PTPRK: variants seen among roughly 807,000 people sequenced by gnomAD.
PTPRK encodes protein tyrosine phosphatase receptor type K.
Under a neutral mutation model 178.0 loss-of-function variants are expected in PTPRK, and 75 were observed. The observed-to-expected ratio is 0.42, with a 90% CI of 0.35 to 0.51. The LOEUF is 0.51. PTPRK is among the 20% of genes least tolerant of loss of function. The pLI is 0.02. For synonymous variants in PTPRK, 637 were observed against 620.6 expected (o/e 1.03, Z -0.39); for missense variants, 1,441 against 1,797.8 (o/e 0.80, Z 3.59).
chr6:128,062,423 T>C (rs78642349), intron 13 of PTPRK: 3 of 156,868 alleles, frequency 1.9e-5, no homozygotes, highest in African/African-American at 7.9e-5. Flanking sequence ...TGTGGAAAAA[T>C]GCTAAAGGTT....
chr6:128,379,406 T>C (rs968064644), intron 2 of PTPRK, among the ~76,000 whole-genome samples: 16 of 152,184 alleles, frequency 1.1e-4, no homozygotes, highest in Non-Finnish European at 1.8e-4. Context: ...AATACACTTG[T>C]TACTTCGTGA....
rs1341532052 is a variant in PTPRK, at chr6:127,991,399, G to T, written c.2882-8C>A. On this transcript the variant is annotated splice_polypyrimidine_tract_variant and splice_region_variant and intron_variant, in intron 19 of 29. Transcript: ENST00000368226. ...CTGTTTCATGAACGGGACCTACAAA[G>T]AAATTAATTTGAATATTATGTTATC... 5 of 1,551,906 alleles carry T rather than the reference G, an allele frequency of 3.2e-6. No individual in the cohort carries two copies. Among genetic ancestry groups the T allele is most frequent in the Admixed American group, 3.8e-5 (2 of 52,556 alleles).
At chr6:128,373,719 G>A (rs1478830976) in intron 2 of PTPRK, among the ~76,000 whole-genome samples, 1 of 152,040 alleles carries the variant, frequency 6.6e-6, no homozygotes, top group African/African-American at 2.4e-5. Flanking sequence ...TATGCACAGT[G>A]GTCTAGAATG....
At chr6:128,153,728 C>T (rs888673258) in intron 7 of PTPRK, among the ~76,000 whole-genome samples, 2 of 151,852 alleles carry the variant, frequency 1.3e-5, no homozygotes, top group African/African-American at 2.4e-5. Context: ...ACAATGACAA[C>T]GTTTTAGATA....
chr6:128,129,853 G>C (rs1793944430), intron 7 of PTPRK, among the ~76,000 whole-genome samples: 1 of 152,112 alleles, frequency 6.6e-6, no homozygotes, highest in South Asian at 2.1e-4. Flanking sequence ...GTGTCATCAT[G>C]TCAGTTGAGA....
chr6:128,359,758 T>TAA (rs899562314), intron 2 of PTPRK, among the ~76,000 whole-genome samples: 4 of 145,492 alleles, frequency 2.7e-5, no homozygotes, highest in African/African-American at 1.0e-4. Context: ...GTCTCAAAAA[T>TAA]AAAAAAAAAA....
chr6:128,397,359 CT>C (rs923801561), intron 2 of PTPRK, among the ~76,000 whole-genome samples: 22 of 146,760 alleles, frequency 1.5e-4, no homozygotes, highest in African/African-American at 3.5e-4. Context: ...TAATACTTAT[CT>C]TTTTTTTTTC....
intron 23 of PTPRK, 76 bp from the exon 24 acceptor site, chr6:127,983,056 G>A: frequency 6.9e-7 from 1 of 1,458,082 alleles, no homozygotes; most frequent in Non-Finnish European, 9.3e-7. Context: ...AGGAAATACA[G>A]AAAATTTTCT....
intron 22 of PTPRK, among the ~76,000 whole-genome samples, chr6:127,985,470 A>C (rs1256441524): frequency 6.6e-6 from 1 of 152,234 alleles, no homozygotes; most frequent in East Asian, 1.9e-4. Context: ...TTGCCATTAA[A>C]AGGCAGAGTT....
chr6:128,034,489 A>C (rs1775878439), intron 13 of PTPRK, among the ~76,000 whole-genome samples: 1 of 152,202 alleles, frequency 6.6e-6, no homozygotes, highest in Non-Finnish European at 1.5e-5. Flanking sequence ...ATCTTCATGC[A>C]GTCAGTACAA....
intron 5 of PTPRK, among the ~76,000 whole-genome samples, chr6:128,221,726 T>C (rs930494398): frequency 2.0e-5 from 3 of 152,086 alleles, no homozygotes; most frequent in African/African-American, 7.2e-5. Context: ...ATTACTTTTG[T>C]TAATTTTTCT....
chr6:128,380,211 C>A (rs1260844019), intron 2 of PTPRK, among the ~76,000 whole-genome samples: 1 of 152,042 alleles, frequency 6.6e-6, no homozygotes, highest in Non-Finnish European at 1.5e-5. Context: ...CACAATAATT[C>A]TTTGAGAATA....
At chr6:128,008,779 C>CT (rs1778723555) in intron 14 of PTPRK, among the ~76,000 whole-genome samples, 1 of 150,844 alleles carries the variant, frequency 6.6e-6, no homozygotes, top group African/African-American at 2.4e-5. Flanking sequence ...ATTCCTAGAC[C>CT]ACAGCCCAAG....
chr6:128,326,933 C>A (rs1829663835), intron 2 of PTPRK, among the ~76,000 whole-genome samples: 1 of 151,784 alleles, frequency 6.6e-6, no homozygotes, highest in Non-Finnish European at 1.5e-5. Context: ...TTTTTTAAAT[C>A]TTTTAAAAAT....
chr6:128,333,628 C>T (rs943055718), intron 2 of PTPRK, among the ~76,000 whole-genome samples: 1 of 152,102 alleles, frequency 6.6e-6, no homozygotes, highest in Non-Finnish European at 1.5e-5. Flanking sequence ...TGTTGAGGGC[C>T]TTGCTCTGGA....
At chr6:127,998,678 T>A in intron 16 of PTPRK, 42 bp downstream of exon 16, 1 of 1,476,804 alleles carries the variant, frequency 6.8e-7, no homozygotes, top group Middle Eastern at 1.9e-4. Flanking sequence ...CTGAGTATCA[T>A]AGTTAAAAAT....
intron 2 of PTPRK, among the ~76,000 whole-genome samples, chr6:128,351,370 G>C (rs955594883): frequency 6.6e-6 from 1 of 152,140 alleles, no homozygotes; most frequent in African/African-American, 2.4e-5. Context: ...AAAGGAGAGA[G>C]AGAAAATCAT....
rs1399171555 is a variant in PTPRK, at chr6:128,299,114, A to T, written c.495+22925T>A. ...GAGCCAAATCATGAGTGAACTCCCA[A>T]TCACAATTGCTTCAAAGAGAATAAA... On this transcript the variant is annotated intron_variant, in intron 3 of 29. Transcript: ENST00000368226. 5.6e-3 allele frequency among the ~76,000 whole-genome samples: 851 copies of T among 152,130 alleles called. 10 individuals are homozygous for T. Among genetic ancestry groups the T allele is most frequent in the African/African-American group, 0.02 (810 of 41,458 alleles).
intron 2 of PTPRK, among the ~76,000 whole-genome samples, chr6:128,386,050 G>GT (rs1324671722): frequency 3.3e-5 from 5 of 151,918 alleles, no homozygotes; most frequent in African/African-American, 1.2e-4. Context: ...TTTTTGATTG[G>GT]TATATATAAT....
Sources: allele counts gnomAD v4.1 joint callset (sites outside exome capture counted in the v4.1 genomes callset), GRCh38; gene constraint gnomAD v4.1.1; transcripts MANE v1.5; gene names NCBI Gene and HGNC (gene_info 2026-07-23, HGNC 2026-07-21).